The following LMF1 variants were observed in gnomAD, a reference collection of about 807,000 sequenced individuals.
The protein encoded by LMF1 is transmembrane protein 112.
In LMF1, 68 loss-of-function variants were observed where a neutral mutation model predicts 60.6. The ratio of observed to expected loss-of-function variants is 1.12; its 90% confidence interval spans 0.92 to 1.37. The LOEUF (loss-of-function observed/expected upper bound fraction) is 1.37, where lower values mean the gene tolerates loss of function less well. Ranked by LOEUF, LMF1 falls within the 40% of genes most tolerant of loss-of-function variation. The pLI is 0.00. For missense variants in LMF1, 948 were observed against 767.2 expected (o/e 1.24, Z -2.78); for synonymous variants, 418 against 324.7 (o/e 1.29, Z -3.09).
At chr16:929,639 T>C (rs73499252) in intron 3 of LMF1, among the ~76,000 whole-genome samples, 11,043 of 152,356 alleles carry the variant, frequency 0.072, 456 homozygotes, top group Non-Finnish European at 0.092. Context: ...AGCGGCCACA[T>C]TCGGGGCTGC....
At chr16:887,595 G>A (rs565932784) in intron 5 of LMF1, among the ~76,000 whole-genome samples, 89 of 152,264 alleles carry the variant, frequency 5.8e-4, no homozygotes, top group African/African-American at 2.0e-3. Flanking sequence ...TCCCACCCAC[G>A]CCTGGAGGCC....
rs372029510 is a variant in LMF1 at position 854,494 on chromosome 16, C to T, written c.*38G>A. Reference sequence around the variant, plus strand: ...GGAAGGGCAAACGTTGCTGAGCCGCCGAGGGGCTGGGTCTTCGCCTTTATT... The same window carrying T: ...GGAAGGGCAAACGTTGCTGAGCCGCTGAGGGGCTGGGTCTTCGCCTTTATT... On this transcript the variant is annotated 3_prime_UTR_variant, in exon 11 of 11. Transcript: ENST00000262301. 6.2e-5 allele frequency: 98 copies of T among 1,581,242 alleles called. No individual in the cohort carries two copies. In the African/African-American group the frequency reaches 7.4e-4, roughly 12 times the overall value.
intron 10 of LMF1, chr16:855,955 G>T: frequency 2.2e-6 from 1 of 455,938 alleles, no homozygotes; most frequent in Non-Finnish European, 4.4e-6. Context: ...TTTGGGTCTG[G>T]GTGTGTGATG....
intron 3 of LMF1, among the ~76,000 whole-genome samples, chr16:914,673 C>G: frequency 6.6e-6 from 1 of 151,886 alleles, no homozygotes; most frequent in Non-Finnish European, 1.5e-5. Context: ...GACACACTCC[C>G]TCCCTCCCAT....
chr16:869,509 G>A (rs929930973), intron 9 of LMF1: 9 of 554,444 alleles, frequency 1.6e-5, no homozygotes, highest in African/African-American at 1.1e-4. Flanking sequence ...ATTTGAGGCT[G>A]CAGCGGTTGG....
Position 953,953 on chromosome 16 carries a change from ACCCCAAACCAGC to A in LMF1, c.503+392_503+403del, listed in dbSNP as rs1343960766. On this transcript the variant is annotated intron_variant, in intron 2 of 10. Transcript: ENST00000262301. Reference sequence around the variant, plus strand: ...TTCCTACACGTCCACACAGACACCCACCCCAAACCAGCCTCCTACATGTCCACACAGACACCC... The same window carrying A: ...TTCCTACACGTCCACACAGACACCCACTCCTACATGTCCACACAGACACCC... Among the ~76,000 whole-genome samples the A allele has an allele frequency of 2.9e-3, 224 of 77,538 alleles. 67 individuals carry two copies. The highest frequency in any genetic ancestry group is 5.9e-4 in the Non-Finnish European group (21 of 35,872). The allele number at this position is 77,538 out of a possible 152,430, so 50.9% of individuals were successfully genotyped here.
chr16:934,557 T>C, intron 2 of LMF1: 1 of 406,836 alleles, frequency 2.5e-6, no homozygotes, highest in African/African-American at 2.0e-5. Context: ...TTTTGCAGCA[T>C]CAATTAAATG....
chr16:878,337 G>A lies in LMF1; in HGVS notation c.897+1233C>T, dbSNP rs934537023. Among the ~76,000 whole-genome samples, 4 of 152,094 alleles carry A rather than the reference G, an allele frequency of 2.6e-5. No individual in the cohort carries two copies. The highest frequency in any genetic ancestry group is 9.7e-5 in the African/African-American group (4 of 41,398). ...CGGTGCCAGCCTCCAAGCAGCTAAC[G>A]CGGAAAAGCCCGAGGGAGTCAGGAG... On this transcript the variant is annotated intron_variant, in intron 6 of 10. Transcript: ENST00000262301. The surrounding 1 kb of genome is among the most constrained non-coding windows in gnomAD (Gnocchi z 5.2).
rs1026028834 is a variant in LMF1, at chr16:977,888, T to C, written c.-135+3257A>G. On this transcript the variant is annotated intron_variant, in intron 1 of 6. Transcript: ENST00000570014. ...CAAACACACCCACACCCTGCACACA[T>C]ACACCACACACTAAACACACACACC... Among the ~76,000 whole-genome samples the C allele has an allele frequency of 3.8e-5, 5 of 133,002 alleles. No homozygotes were observed. The East Asian group carries it at 6.9e-4, about 18-fold the overall frequency. 87.3% of individuals were successfully genotyped at this position (133,002 alleles called of 152,430 possible). A position where few individuals can be genotyped will look rare whatever the true frequency, so the allele number is the denominator to read the frequency against.
chr16:888,655 C>T (rs1292792475), intron 5 of LMF1, among the ~76,000 whole-genome samples: 1 of 152,248 alleles, frequency 6.6e-6, no homozygotes, highest in Non-Finnish European at 1.5e-5. Flanking sequence ...ACCCTCCCCA[C>T]AGCCTGCTGC....
intron 1 of LMF1, among the ~76,000 whole-genome samples, chr16:960,067 A>C (rs4984622): frequency 0.2 from 31,071 of 152,128 alleles, 3,598 homozygotes; most frequent in South Asian, 0.31. Context: ...CAGCTGTGAC[A>C]CCCCGGGAGC....
intron 1 of LMF1, chr16:968,250 G>T (rs113255120): frequency 1.3e-5 from 2 of 152,226 alleles, no homozygotes; most frequent in Non-Finnish European, 2.9e-5. Flanking sequence ...AAGCTTCCCC[G>T]ACAGGGCAGG....
chr16:909,186 C>T (rs898448347), intron 4 of LMF1, among the ~76,000 whole-genome samples: 3 of 152,298 alleles, frequency 2.0e-5, no homozygotes, highest in South Asian at 4.1e-4. Flanking sequence ...GCATGGCTGA[C>T]GTTTCTGCAG....
At chr16:887,763 G>C (rs1036502230) in intron 5 of LMF1, among the ~76,000 whole-genome samples, 2 of 152,160 alleles carry the variant, frequency 1.3e-5, no homozygotes, top group African/African-American at 2.4e-5. Context: ...CCGTGGCCTG[G>C]GCCCGGAGTC....
At chr16:856,783 C>G (rs3869444) in intron 10 of LMF1, among the ~76,000 whole-genome samples, 23 of 152,226 alleles carry the variant, frequency 1.5e-4, no homozygotes, top group South Asian at 2.1e-4. Context: ...GCCATGGCAC[C>G]GCCCCGGAGG....
chr16:876,919 T>C (rs190166016), intron 6 of LMF1, among the ~76,000 whole-genome samples: 5 of 152,188 alleles, frequency 3.3e-5, no homozygotes, highest in Non-Finnish European at 7.4e-5. Flanking sequence ...AACACAAAGA[T>C]GTGGAAATAC....
chr16:945,314 C>G (rs1048133932), intron 2 of LMF1, among the ~76,000 whole-genome samples: 3 of 151,370 alleles, frequency 2.0e-5, no homozygotes, highest in Admixed American at 1.3e-4. Flanking sequence ...ACTTTGAGCC[C>G]AGGAGTTCAA....
chr16:919,424 C>T (rs775298171), intron 3 of LMF1, among the ~76,000 whole-genome samples: 9 of 152,076 alleles, frequency 5.9e-5, no homozygotes, highest in Non-Finnish European at 8.8e-5. Context: ...TCCTGCCCCA[C>T]CTTCATCACT....
chr16:960,200 G>C (rs954567217), intron 1 of LMF1, among the ~76,000 whole-genome samples: 1 of 152,254 alleles, frequency 6.6e-6, no homozygotes, highest in African/African-American at 2.4e-5. Context: ...AAGCATCCCT[G>C]CGGGGAAGGA....
Sources: gnomAD v4.1 joint callset for allele counts (sites outside exome capture counted in the v4.1 genomes callset) on GRCh38, gnomAD v4.1.1 for gene constraint, Gnocchi (gnomAD v3.1) non-coding constraint, MANE v1.5 for transcripts, NCBI Gene and HGNC (gene_info 2026-07-23, HGNC 2026-07-21) for gene names.